Variants in STK25 observed in about 807,000 individuals in gnomAD.
STK25 encodes serine/threonine kinase 25.
A neutral mutation model predicts 53.8 loss-of-function variants in STK25; 29 were observed. That is an observed-to-expected ratio of 0.54 (90% confidence interval 0.40 to 0.74). STK25 has a LOEUF of 0.74. Among genes scored for constraint, STK25 ranks in the 30% least tolerant of loss-of-function variants. The pLI is 0.00. For synonymous variants in STK25, 247 were observed against 238.3 expected, an observed-to-expected ratio of 1.04 and a Z score of -0.33; for missense variants, 420 against 568.0, an observed-to-expected ratio of 0.74 and a Z score of 2.65.
rs952082115 is a variant in STK25 at position 241,494,821 on chromosome 2, TAAAC to T, written c.*837_*840del. 2.2e-4 allele frequency: 33 copies of T among 152,264 alleles called. No homozygotes were observed. The highest frequency in any genetic ancestry group is 1.5e-3 in the Admixed American group (23 of 15,296). 9.4% of individuals were successfully genotyped at this position (152,264 alleles called of 1,614,324 possible). ...TTGTTCACACACATTTGATTAAAAA[TAAAC>T]AAACAGCATCTCCCCACCTGCATTC... On this transcript the variant is annotated 3_prime_UTR_variant, in exon 12 of 12. Coordinates refer to ENST00000316586, the MANE Select transcript of STK25 (RefSeq NM_001271977.2). This position sits in a 1 kb window ranked among gnomAD's most constrained non-coding sequence, Gnocchi z 4.9.
In STK25 at chr2:241,500,166, G is replaced by A; in HGVS notation, c.427+7C>T. ...GTTACAAGAGCCACATCCACCCCCA[G>A]CAGGACCTTTGATGTCTCGGTGGAT... On this transcript the variant is annotated splice_region_variant and intron_variant, in intron 5 of 11. Coordinates refer to ENST00000316586, the MANE Select transcript of STK25 (RefSeq NM_001271977.2). 6.2e-7 allele frequency: 1 copy of A among 1,611,110 alleles called. No homozygotes were observed. Among genetic ancestry groups the A allele is most frequent in the Non-Finnish European group, 8.5e-7 (1 of 1,177,342 alleles).
At chr2:241,500,641 C>G (rs964101341) in intron 4 of STK25, 99 bp downstream of exon 4, 19 of 1,238,704 alleles carry the variant, frequency 1.5e-5, no homozygotes, top group South Asian at 2.5e-5. Flanking sequence ...CCTAACGTGC[C>G]ATGACACCAA....
At position 241,494,318 on chromosome 2, in the gene STK25, C is replaced by T; in HGVS notation, c.*1344G>A. 2.5e-6 allele frequency: 1 copy of T among 399,156 alleles called. No homozygotes were observed. Among genetic ancestry groups the T allele is most frequent in the African/African-American group, 2.1e-5 (1 of 48,384 alleles). The allele number at this position is 399,156 out of a possible 1,614,324, so 24.7% of individuals were successfully genotyped here. A position where few individuals can be genotyped will look rare whatever the true frequency, so the allele number is the denominator to read the frequency against. On this transcript the variant is annotated 3_prime_UTR_variant, in exon 12 of 12. Transcript: ENST00000316586. The surrounding 1 kb of genome is among the most constrained non-coding windows in gnomAD (Gnocchi z 4.9). Reference sequence around the variant, plus strand: ...CCCCCCACCCAGGACCTAGTGCATGCCAGCAGCTATCTGGGGCCCTGGGAA... The same window carrying T: ...CCCCCCACCCAGGACCTAGTGCATGTCAGCAGCTATCTGGGGCCCTGGGAA...
Position 241,494,173 on chromosome 2 carries a change from A to G in STK25, c.*1489T>C. On this transcript the variant is annotated 3_prime_UTR_variant, in exon 12 of 12. Transcript: ENST00000316586. This position sits in a 1 kb window ranked among gnomAD's most constrained non-coding sequence, Gnocchi z 4.9. ...ACACAACTACAAAGAACAGCAGGACACAGAGGTGACCTCTGTCCTGAGGCT... is the reference window on the plus strand; with the variant it reads ...ACACAACTACAAAGAACAGCAGGACGCAGAGGTGACCTCTGTCCTGAGGCT... 1 of 1,209,582 alleles carries G rather than the reference A, an allele frequency of 8.3e-7. No homozygotes were observed. The allele number at this position is 1,209,582 out of a possible 1,614,324, so 74.9% of individuals were successfully genotyped here. A position where few individuals can be genotyped will look rare whatever the true frequency, so the allele number is the denominator to read the frequency against.
rs2065423813 is a variant in STK25 at position 241,500,164 on chromosome 2, C to T, written c.427+9G>A. 5 of 1,611,716 alleles carry T rather than the reference C, an allele frequency of 3.1e-6. No homozygotes were observed. In the African/African-American group the frequency reaches 5.3e-5, roughly 17 times the overall value. On this transcript the variant is annotated intron_variant, in intron 5 of 11. Coordinates refer to ENST00000316586, the MANE Select transcript of STK25 (RefSeq NM_001271977.2). ...ACGTTACAAGAGCCACATCCACCCC[C>T]AGCAGGACCTTTGATGTCTCGGTGG...
rs1047335916 is a variant in STK25, at chr2:241,496,104, G to A, written c.1241+294C>T. Among the ~76,000 whole-genome samples the A allele has an allele frequency of 1.3e-5, 2 of 152,126 alleles. No individual in the cohort carries two copies. The highest frequency in any genetic ancestry group is 4.8e-5 in the African/African-American group (2 of 41,434). On this transcript the variant is annotated intron_variant, in intron 11 of 11. Transcript: ENST00000316586. The surrounding 1 kb of genome is among the most constrained non-coding windows in gnomAD (Gnocchi z 5.8). ...AGCTCCCGGGAGCCACCAGGTGGAG[G>A]GGCAGAGGCCAGCTGAGGACAGCCA...
At chr2:241,507,966 G>A (rs1227098861) in intron 2 of STK25, 40 bp downstream of exon 2, 27 of 1,541,626 alleles carry the variant, frequency 1.8e-5, no homozygotes, top group Non-Finnish European at 2.2e-5. Flanking sequence ...GAGCCCCTCG[G>A]TGAGAGGCCG....
rs751927916 is a variant in STK25, at chr2:241,508,053, C to T, written c.-18G>A. 1.1e-5 allele frequency: 18 copies of T among 1,598,938 alleles called. No homozygotes were observed. Among genetic ancestry groups the T allele is most frequent in the Non-Finnish European group, 1.4e-5 (17 of 1,174,136 alleles). On this transcript the variant is annotated 5_prime_UTR_variant, in exon 2 of 12. Transcript: ENST00000316586. The stretch of plus-strand genomic sequence containing the variant: ...TGAGCCATGGCCGCGCCGCCTCAGA[C>T]CCTCCGCCAGCAGCCCCAGGAGGCG...
intron 2 of STK25, among the ~76,000 whole-genome samples, chr2:241,502,535 C>T (rs1341762548): frequency 4.6e-5 from 7 of 152,068 alleles, no homozygotes; most frequent in African/African-American, 1.4e-4. Flanking sequence ...GTCAGGAGTT[C>T]GCAACCAGCC....
chr2:241,492,995 G>GTCTT lies in STK25; in HGVS notation c.*2663_*2666dup. 1 of 1,611,556 alleles carries GTCTT rather than the reference G, an allele frequency of 6.2e-7. No homozygotes were observed. Among genetic ancestry groups the GTCTT allele is most frequent in the Non-Finnish European group, 8.5e-7 (1 of 1,177,742 alleles). On this transcript the variant is annotated 3_prime_UTR_variant, in exon 12 of 12. Coordinates refer to ENST00000316586, the MANE Select transcript of STK25 (RefSeq NM_001271977.2). Reference sequence around the variant, plus strand: ...TCATGGCTGGCAGAAGCTCTGGGTCGTCTTTACCAACTTCTGTTTGTTCTT... The same window carrying GTCTT: ...TCATGGCTGGCAGAAGCTCTGGGTCGTCTTTCTTTACCAACTTCTGTTTGTTCTT...
At chr2:241,508,245 C>T in intron 1 of STK25, 110 bp from the exon 2 acceptor site, 6 of 1,305,124 alleles carry the variant, frequency 4.6e-6, no homozygotes, top group Non-Finnish European at 5.8e-6. Flanking sequence ...CCCAGGCCGC[C>T]GGGGCCCCGC....
chr2:241,504,009 G>A (rs567693545), intron 2 of STK25: 101 of 471,100 alleles, frequency 2.1e-4, no homozygotes, highest in Middle Eastern at 6.5e-4. Flanking sequence ...TAACCAGGAG[G>A]GTGGAAGGGG....
In STK25 at chr2:241,493,697, C is replaced by A; in HGVS notation, c.*1965G>T. The A allele has an allele frequency of 1.9e-6, 1 of 532,638 alleles. No homozygotes were observed. Among genetic ancestry groups the A allele is most frequent in the South Asian group, 2.5e-5 (1 of 40,360 alleles). 33.0% of individuals were successfully genotyped at this position (532,638 alleles called of 1,614,324 possible). ...ATAACCTGCACCTCCAGGGTTCAAGCGATTCTTCTGCCTCAGCCTCCTGAG... is the reference window on the plus strand; with the variant it reads ...ATAACCTGCACCTCCAGGGTTCAAGAGATTCTTCTGCCTCAGCCTCCTGAG... On this transcript the variant is annotated 3_prime_UTR_variant, in exon 12 of 12. Transcript: ENST00000316586.
In STK25 at chr2:241,501,323, G is replaced by T. The variant is rs2065497819; in HGVS notation, c.261+155C>A. Reference sequence around the variant, plus strand: ...GAGCCAACTGACCCTCGTGGACGAGGGCTCACACCCTGCCTGCCCAGGGCA... The same window carrying T: ...GAGCCAACTGACCCTCGTGGACGAGTGCTCACACCCTGCCTGCCCAGGGCA... On this transcript the variant is annotated intron_variant, in intron 3 of 11. Coordinates refer to ENST00000316586, the MANE Select transcript of STK25 (RefSeq NM_001271977.2). The surrounding 1 kb of genome is among the most constrained non-coding windows in gnomAD (Gnocchi z 5.3). 1 of 743,742 alleles carries T rather than the reference G, an allele frequency of 1.3e-6. No homozygotes were observed. Among genetic ancestry groups the T allele is most frequent in the Non-Finnish European group, 2.3e-6 (1 of 432,286 alleles). 46.1% of individuals were successfully genotyped at this position (743,742 alleles called of 1,614,324 possible).
rs2065048114 is a variant in STK25 at position 241,494,420 on chromosome 2, T to G, written c.*1242A>C. On this transcript the variant is annotated 3_prime_UTR_variant, in exon 12 of 12. Transcript: ENST00000316586. The surrounding 1 kb of genome is among the most constrained non-coding windows in gnomAD (Gnocchi z 4.9). ...CTGGCTCAAAGACGCAGACAAGGCCTGAGCAGTGCTCTCGGCATCGGACCA... is the reference window on the plus strand; with the variant it reads ...CTGGCTCAAAGACGCAGACAAGGCCGGAGCAGTGCTCTCGGCATCGGACCA... 1.2e-5 allele frequency: 3 copies of G among 245,042 alleles called. No individual in the cohort carries two copies. Among genetic ancestry groups the G allele is most frequent in the Non-Finnish European group, 2.3e-5 (3 of 127,970 alleles). The allele number at this position is 245,042 out of a possible 1,614,324, so 15.2% of individuals were successfully genotyped here.
chr2:241,499,906 AC>A, intron 5 of STK25: 1 of 570,976 alleles, frequency 1.8e-6, no homozygotes, highest in East Asian at 3.4e-5. Flanking sequence ...TGTGCCGTGC[AC>A]CACAGGGAAC....
At chr2:241,502,780 C>CA (rs1046191278) in intron 2 of STK25, among the ~76,000 whole-genome samples, 2 of 151,648 alleles carry the variant, frequency 1.3e-5, no homozygotes, top group African/African-American at 4.8e-5. Context: ...TCATCAAAAA[C>CA]AAAAAACCTC....
At chr2:241,499,546 C>T (rs1340936446) in intron 5 of STK25, 132 bp from the exon 6 acceptor site, 4 of 1,217,518 alleles carry the variant, frequency 3.3e-6, no homozygotes, top group African/African-American at 3.0e-5. Context: ...GACCTCAGCC[C>T]TCCTTGCCAC....
chr2:241,496,249 A>C lies in STK25; in HGVS notation c.1241+149T>G. 1.1e-6 allele frequency: 1 copy of C among 910,148 alleles called. No homozygotes were observed. The highest frequency in any genetic ancestry group is 1.7e-6 in the Non-Finnish European group (1 of 596,740). 56.4% of individuals were successfully genotyped at this position (910,148 alleles called of 1,614,324 possible). A position where few individuals can be genotyped will look rare whatever the true frequency, so the allele number is the denominator to read the frequency against. On this transcript the variant is annotated intron_variant, in intron 11 of 11. Coordinates refer to ENST00000316586, the MANE Select transcript of STK25 (RefSeq NM_001271977.2). The surrounding 1 kb of genome is among the most constrained non-coding windows in gnomAD (Gnocchi z 5.8). ...CCTGTGAGCTGGGTCCAAACAAGGA[A>C]GAGGATGCCACGCCGCGCCTTCCCA...
Sources: allele counts gnomAD v4.1 joint callset (sites outside exome capture counted in the v4.1 genomes callset), GRCh38; gene constraint gnomAD v4.1.1; non-coding constraint Gnocchi (gnomAD v3.1); transcripts MANE v1.5; gene names NCBI Gene and HGNC (gene_info 2026-07-23, HGNC 2026-07-21).